Variants in SEMA3E observed in about 807,000 individuals in gnomAD.
SEMA3E encodes semaphorin-3E.
Under a neutral mutation model 93.6 loss-of-function variants are expected in SEMA3E, and 49 were observed. The ratio of observed to expected loss-of-function variants is 0.52; its 90% confidence interval spans 0.42 to 0.66. SEMA3E has a LOEUF of 0.66. SEMA3E is among the 30% of genes least tolerant of loss of function. SEMA3E has a pLI of 0.00. For missense variants in SEMA3E, 906 were observed against 964.8 expected (o/e 0.94, Z 0.81); for synonymous variants, 363 against 330.7 (o/e 1.10, Z -1.06).
At chr7:83,428,436 A>C (rs890595218) in intron 4 of SEMA3E, among the ~76,000 whole-genome samples, 1 of 152,214 alleles carries the variant, frequency 6.6e-6, no homozygotes, top group Non-Finnish European at 1.5e-5. Flanking sequence ...TATTTCTGCC[A>C]ACAATGGAAA....
chr7:83,574,468 A>T (rs1792358305), intron 1 of SEMA3E, among the ~76,000 whole-genome samples: 1 of 115,256 alleles, frequency 8.7e-6, no homozygotes, highest in Admixed American at 8.5e-5. Context: ...TAAAAAAAAA[A>T]AAAGAGAGAG....
At chr7:83,573,870 T>G (rs1792342486) in intron 1 of SEMA3E, among the ~76,000 whole-genome samples, 1 of 151,878 alleles carries the variant, frequency 6.6e-6, no homozygotes, top group African/African-American at 2.4e-5. Context: ...AATACTATTT[T>G]CTTTAGCATT....
At chr7:83,390,101 A>T (rs1787982285) in intron 14 of SEMA3E, among the ~76,000 whole-genome samples, 1 of 112,942 alleles carries the variant, frequency 8.9e-6, no homozygotes, top group Non-Finnish European at 1.9e-5. Context: ...ATGCGCGTAT[A>T]CGTGTGCACA....
intron 2 of SEMA3E, among the ~76,000 whole-genome samples, chr7:83,487,682 CGTGTGTGTGTGTGTGTGT>C (rs71074667): frequency 1.4e-5 from 2 of 144,538 alleles, no homozygotes; most frequent in East Asian, 2.1e-4. Flanking sequence ...GGCAGGAGGT[CGTGTGTGTGTGTGTGTGT>C]GTGTGTGTGT....
At chr7:83,640,012 G>A (rs564258887) in intron 1 of SEMA3E, among the ~76,000 whole-genome samples, 1 of 152,212 alleles carries the variant, frequency 6.6e-6, no homozygotes, top group African/African-American at 2.4e-5. Flanking sequence ...AATGCTGAGA[G>A]TACATTTCCT....
At chr7:83,479,667 T>C (rs1213363227) in intron 2 of SEMA3E, among the ~76,000 whole-genome samples, 1 of 152,160 alleles carries the variant, frequency 6.6e-6, no homozygotes, top group Non-Finnish European at 1.5e-5. Context: ...ATACTATGGA[T>C]ATCTGTTCTT....
chr7:83,494,264 G>C (rs1193267118), intron 1 of SEMA3E, among the ~76,000 whole-genome samples: 1 of 150,608 alleles, frequency 6.6e-6, no homozygotes, highest in East Asian at 1.9e-4. Flanking sequence ...AAAATCCAAA[G>C]TAGAGGAAGT....
Position 83,648,701 on chromosome 7 carries a change from T to A in SEMA3E, c.-159A>T. 4.3e-6 allele frequency: 3 copies of A among 697,198 alleles called. No individual in the cohort carries two copies. The highest frequency in any genetic ancestry group is 7.9e-6 in the Non-Finnish European group (3 of 378,722). 43.2% of individuals were successfully genotyped at this position (697,198 alleles called of 1,614,324 possible). On this transcript the variant is annotated 5_prime_UTR_variant, in exon 1 of 17. Transcript: ENST00000643230. ...TTCCGAAGTGCCATTTGTCAGGCTG[T>A]ATTTGGCTATGTAAAACCTTTCTTT...
chr7:83,412,778 AC>A (rs1472669100), intron 5 of SEMA3E, among the ~76,000 whole-genome samples: 11 of 145,854 alleles, frequency 7.5e-5, no homozygotes, highest in African/African-American at 2.2e-4. Context: ...AAAAAAAAAA[AC>A]ACACAGGATA....
intron 4 of SEMA3E, among the ~76,000 whole-genome samples, chr7:83,430,860 A>G (rs765576391): frequency 1.3e-5 from 2 of 152,180 alleles, no homozygotes; most frequent in Non-Finnish European, 2.9e-5. Context: ...TGAAAGAAAA[A>G]ATTGATGTGA....
At chr7:83,389,128 G>A (rs1787942459) in intron 14 of SEMA3E, among the ~76,000 whole-genome samples, 1 of 151,820 alleles carries the variant, frequency 6.6e-6, no homozygotes. Flanking sequence ...ATTGAAAATA[G>A]AGCTTATGAA....
chr7:83,620,075 G>A (rs1171397939), intron 1 of SEMA3E, among the ~76,000 whole-genome samples: 1 of 151,900 alleles, frequency 6.6e-6, no homozygotes, highest in Non-Finnish European at 1.5e-5. Flanking sequence ...AGTCCTGGGA[G>A]AAAAGAGGGA....
At chr7:83,461,176 A>G (rs1319554429) in intron 4 of SEMA3E, among the ~76,000 whole-genome samples, 1 of 152,114 alleles carries the variant, frequency 6.6e-6, no homozygotes, top group Non-Finnish European at 1.5e-5. Flanking sequence ...ATGTCCAGAC[A>G]TTCTTTTACA....
intron 12 of SEMA3E, among the ~76,000 whole-genome samples, chr7:83,396,258 A>G (rs4543488): frequency 0.31 from 46,950 of 152,048 alleles, 7,446 homozygotes; most frequent in African/African-American, 0.37. Flanking sequence ...AATGCACTTA[A>G]TAAAAAGCAG....
chr7:83,451,335 A>T (rs1789354298), intron 4 of SEMA3E, among the ~76,000 whole-genome samples: 1 of 152,132 alleles, frequency 6.6e-6, no homozygotes, highest in African/African-American at 2.4e-5. Context: ...TTAACCAAAA[A>T]AGTGTTTAAA....
At chr7:83,499,661 G>A (rs1441348529) in intron 1 of SEMA3E, among the ~76,000 whole-genome samples, 3 of 152,110 alleles carry the variant, frequency 2.0e-5, no homozygotes, top group Non-Finnish European at 4.4e-5. Flanking sequence ...TATCACTTAT[G>A]TTGGAAAGAT....
intron 1 of SEMA3E, among the ~76,000 whole-genome samples, chr7:83,511,370 C>G (rs752353806): frequency 2.0e-5 from 3 of 150,024 alleles, no homozygotes; most frequent in Non-Finnish European, 4.4e-5. Flanking sequence ...GCTTCATTTT[C>G]TACTAAAACC....
At chr7:83,645,960 G>C (rs530577627) in intron 1 of SEMA3E, among the ~76,000 whole-genome samples, 1 of 151,946 alleles carries the variant, frequency 6.6e-6, no homozygotes, top group Admixed American at 6.6e-5. Context: ...CAATAGGCTT[G>C]TGTTTTCATC....
intron 12 of SEMA3E, 68 bp from the exon 13 acceptor site, chr7:83,394,406 A>G (rs1562761165): frequency 7.8e-7 from 1 of 1,289,184 alleles, no homozygotes; most frequent in Non-Finnish European, 1.1e-6. Flanking sequence ...ATATGGTTGT[A>G]AACCCCTGAA....
Sources: allele counts gnomAD v4.1 joint callset (sites outside exome capture counted in the v4.1 genomes callset), GRCh38; gene constraint gnomAD v4.1.1; transcripts MANE v1.5; gene names NCBI Gene and HGNC (gene_info 2026-07-23, HGNC 2026-07-21).